The following CEP290 variants were observed in gnomAD, a reference collection of about 807,000 sequenced individuals.
CEP290 encodes the protein centrosomal protein 290, also known as centrosomal protein of 290 kDa.
A neutral mutation model predicts 344.9 loss-of-function variants in CEP290; 317 were observed. The observed-to-expected ratio is 0.92, with a 90% CI of 0.84 to 1.01. The LOEUF (loss-of-function observed/expected upper bound fraction) is 1.01. Among genes scored for constraint, CEP290 ranks in the 50% least tolerant of loss-of-function variants. CEP290 has a pLI of 0.00. For synonymous variants in CEP290, 932 were observed against 895.8 expected, an observed-to-expected ratio of 1.04 and a Z score of -0.72; for missense variants, 2,754 against 2,761.4, an observed-to-expected ratio of 1.00 and a Z score of 0.06.
rs534893235 is a variant in CEP290 at position 88,074,846 on chromosome 12, G to A, written c.5709+2376C>T. ...AACATGTGGAGGTTTCTAGAGGAAG[G>A]TGGCACCCCAGAAAGGCATGGAAGG... On this transcript the variant is annotated intron_variant, in intron 41 of 53. Coordinates refer to ENST00000552810, the MANE Select transcript of CEP290 (RefSeq NM_025114.4). Among the ~76,000 whole-genome samples, 146 of 152,276 alleles carry A rather than the reference G, an allele frequency of 9.6e-4. 3 individuals are homozygous for A. The South Asian group carries it at 0.027, about 28-fold the overall frequency.
rs373303674 is a variant in CEP290, at chr12:88,120,188, G to A, written c.1448C>T (p.Thr483Ile). The A allele has an allele frequency of 2.0e-5, 30 of 1,518,288 alleles. No homozygotes were observed. In the East Asian group the frequency reaches 4.9e-4, roughly 25 times the overall value. The allele number at this position is 1,518,288 out of a possible 1,614,324, so 94.1% of individuals were successfully genotyped here. ...KIRDREIEIL[T>I]KEINKLELKI... ...CAATTCAAGTTTATTGATTTCCTTT[G>A]TTAATATTTCAATCTCTCGATCTCT... is the stretch of plus-strand genomic sequence containing the variant. The change falls in exon 15 of 54, where the codon ACA becomes ATA. Residue 483 changes from threonine (T) to isoleucine (I), a missense_variant. Physicochemically the swap from Thr to Ile is moderately conservative, Grantham distance 89. Coordinates refer to ENST00000552810, the MANE Select transcript of CEP290 (RefSeq NM_025114.4).
At chr12:88,094,755 G>GC (rs1240296961) in intron 27 of CEP290, among the ~76,000 whole-genome samples, 1 of 152,006 alleles carries the variant, frequency 6.6e-6, no homozygotes, top group East Asian at 1.9e-4. Flanking sequence ...TTGCTTTTCA[G>GC]CAACTTAAAA....
chr12:88,127,593 T>A lies in CEP290; in HGVS notation c.943-1155A>T, dbSNP rs189585005. Among the ~76,000 whole-genome samples the A allele has an allele frequency of 2.5e-3, 381 of 152,094 alleles. 2 individuals are homozygous for A. Among genetic ancestry groups the A allele is most frequent in the African/African-American group, 8.3e-3 (345 of 41,492 alleles). ...TCATTATAACAAATGTCAAAAGTCA[T>A]TAAAAAATAATAAATTTAACTAAGC... is the stretch of plus-strand genomic sequence containing the variant. On this transcript the variant is annotated intron_variant, in intron 11 of 53. Transcript: ENST00000552810.
Position 88,131,292 on chromosome 12 carries a change from A to C in CEP290, c.442-74T>G, listed in dbSNP as rs2040056172. ...AGTAATTTTTTTTTTTTTTGAGACA[A>C]AGTCTTTGTCGCCTAGGCTGGAGTA... On this transcript the variant is annotated intron_variant, in intron 6 of 53. Coordinates refer to ENST00000552810, the MANE Select transcript of CEP290 (RefSeq NM_025114.4). The C allele has an allele frequency of 2.6e-6, 3 of 1,139,418 alleles. No individual in the cohort carries two copies. The Admixed American group carries it at 9.9e-5, about 37-fold the overall frequency. 70.6% of individuals were successfully genotyped at this position (1,139,418 alleles called of 1,614,324 possible).
chr12:88,132,890 G>A (rs954276943), intron 6 of CEP290, among the ~76,000 whole-genome samples: 2 of 151,956 alleles, frequency 1.3e-5, no homozygotes, highest in African/African-American at 2.4e-5. Flanking sequence ...CTCCCACCCC[G>A]ACCCCTTGAC....
intron 18 of CEP290, chr12:88,116,199 A>T: frequency 4.0e-6 from 1 of 251,988 alleles, no homozygotes; most frequent in Non-Finnish European, 6.3e-6. Context: ...GTCATCAGAA[A>T]AAAGGCATAT....
intron 41 of CEP290, among the ~76,000 whole-genome samples, chr12:88,076,901 A>G (rs2035819086): frequency 6.6e-6 from 1 of 152,054 alleles, no homozygotes; most frequent in East Asian, 1.9e-4. Context: ...TTTGGAGAGA[A>G]ATGATACACA....
intron 13 of CEP290, among the ~76,000 whole-genome samples, chr12:88,122,411 A>C (rs1011532520): frequency 6.6e-6 from 1 of 152,164 alleles, no homozygotes; most frequent in Non-Finnish European, 1.5e-5. Flanking sequence ...GGAATGCTTA[A>C]TTCTAGGCCA....
At chr12:88,068,928 A>G (rs2035154289) in intron 43 of CEP290, among the ~76,000 whole-genome samples, 1 of 152,158 alleles carries the variant, frequency 6.6e-6, no homozygotes, top group Non-Finnish European at 1.5e-5. Flanking sequence ...AAGAACATGC[A>G]TCCATTTATA....
At chr12:88,053,860 C>T (rs1048929092) in intron 51 of CEP290, 114 bp from the exon 52 acceptor site, 23 of 537,342 alleles carry the variant, frequency 4.3e-5, no homozygotes, top group South Asian at 5.6e-5. Flanking sequence ...TAGCCTTTAT[C>T]GAAGTAAACA....
At chr12:88,105,367 G>T (rs1401964712) in intron 25 of CEP290, among the ~76,000 whole-genome samples, 4 of 151,820 alleles carry the variant, frequency 2.6e-5, no homozygotes, top group Admixed American at 6.6e-5. Context: ...GAAAGCGGAG[G>T]GGACAAAAAA....
chr12:88,084,513 G>A lies in CEP290; in HGVS notation c.4704+73C>T, dbSNP rs1353157703. 19 of 1,290,648 alleles carry A rather than the reference G, an allele frequency of 1.5e-5. No homozygotes were observed. The South Asian group carries it at 2.5e-4, about 17-fold the overall frequency. The allele number at this position is 1,290,648 out of a possible 1,614,324, so 79.9% of individuals were successfully genotyped here. On this transcript the variant is annotated intron_variant, in intron 35 of 53. Coordinates refer to ENST00000552810, the MANE Select transcript of CEP290 (RefSeq NM_025114.4). ...AAGCAAGAAAAGAAATACCACTTTAGGGTAAAATAATATTTAGCATTTGCT... is the reference window on the plus strand; with the variant it reads ...AAGCAAGAAAAGAAATACCACTTTAAGGTAAAATAATATTTAGCATTTGCT...
rs1057522783 is a variant in CEP290 at position 88,054,330 on chromosome 12, C to T, written c.7034+10G>A. On this transcript the variant is annotated intron_variant, in intron 51 of 53. Coordinates refer to ENST00000552810, the MANE Select transcript of CEP290 (RefSeq NM_025114.4). ...AAAAAACAAAGTAGTCATATGAATA[C>T]ATGATGTACCTAAGAACTTGAAGCT... 2 of 1,569,476 alleles carry T rather than the reference C, an allele frequency of 1.3e-6. No homozygotes were observed. The highest frequency in any genetic ancestry group is 2.7e-5 in the African/African-American group (2 of 72,866).
chr12:88,062,433 T>G lies in CEP290; in HGVS notation c.6357+259A>C, dbSNP rs143335658. Among the ~76,000 whole-genome samples the G allele has an allele frequency of 2.4e-3, 366 of 152,218 alleles. 3 individuals carry two copies. Among genetic ancestry groups the G allele is most frequent in the Admixed American group, 3.9e-3 (60 of 15,296 alleles). On this transcript the variant is annotated intron_variant, in intron 46 of 53. Transcript: ENST00000552810. ...CAGTTACCTCCATAAACAAAAGGAT[T>G]CCTGGAAGTTAAATGTTTTCAAGGT...
Position 88,077,897 on chromosome 12 carries a change from C to A in CEP290, c.5386G>T (p.Glu1796Ter). The A allele has an allele frequency of 7.5e-7, 1 of 1,337,450 alleles. No homozygotes were observed. The highest frequency in any genetic ancestry group is 1.0e-6 in the Non-Finnish European group (1 of 981,336). The allele number at this position is 1,337,450 out of a possible 1,614,324, so 82.8% of individuals were successfully genotyped here. A position where few individuals can be genotyped will look rare whatever the true frequency, so the allele number is the denominator to read the frequency against. The change falls in exon 40 of 54, where the codon GAA (glutamate) becomes TAA (stop). Residue 1796 changes from glutamate to a stop codon, truncating the protein, a stop_gained. Coordinates refer to ENST00000552810, the MANE Select transcript of CEP290 (RefSeq NM_025114.4). LOFTEE classifies it high-confidence loss of function. ...ELKTQVEDLN[E>*]NLLKLKEALK... ...GCTTCTTTCAATTTTAAAAGATTTT[C>A]ATTTAAATCTTCAACTTGTGTCTAA... is the stretch of plus-strand genomic sequence containing the variant.
At chr12:88,074,575 T>C (rs2035620431) in intron 41 of CEP290, among the ~76,000 whole-genome samples, 1 of 152,216 alleles carries the variant, frequency 6.6e-6, no homozygotes, top group South Asian at 2.1e-4. Flanking sequence ...TCCTCATCTT[T>C]AGTTATAATA....
At chr12:88,128,002 G>GT (rs1565911594) in intron 11 of CEP290, among the ~76,000 whole-genome samples, 1 of 152,242 alleles carries the variant, frequency 6.6e-6, no homozygotes, top group East Asian at 1.9e-4. Context: ...AAAGACAACT[G>GT]TTTTTTCCAG....
intron 44 of CEP290, among the ~76,000 whole-genome samples, chr12:88,066,312 TTTTG>T (rs1164276495): frequency 8.5e-5 from 13 of 152,166 alleles, no homozygotes; most frequent in Admixed American, 6.5e-4. Context: ...GTTTGTTTGT[TTTTG>T]TTTGAGACAG....
intron 27 of CEP290, among the ~76,000 whole-genome samples, chr12:88,096,154 T>C (rs946782607): frequency 1.3e-4 from 20 of 152,234 alleles, no homozygotes; most frequent in African/African-American, 4.3e-4. Context: ...GTTCAAGCAA[T>C]TCTCCTGCCT....
Sources: gnomAD v4.1 joint callset for allele counts (sites outside exome capture counted in the v4.1 genomes callset) on GRCh38, gnomAD v4.1.1 for gene constraint, MANE v1.5 for transcripts, NCBI Gene and HGNC (gene_info 2026-07-23, HGNC 2026-07-21) for gene names.